The following ACER2 variants were observed in gnomAD, a reference collection of about 807,000 sequenced individuals.
ACER2 encodes the protein alkCDase 2.
In ACER2, 26 loss-of-function variants were observed where a neutral mutation model predicts 34.7. The ratio of observed to expected loss-of-function variants is 0.75; its 90% confidence interval spans 0.55 to 1.04. The LOEUF (loss-of-function observed/expected upper bound fraction) is 1.04, where lower values mean the gene tolerates loss of function less well. ACER2 is among the 50% of genes least tolerant of loss of function. The probability of loss-of-function intolerance (pLI) is 0.00; values close to 1 mark genes in which losing one functional copy is unlikely to be tolerated. For synonymous variants in ACER2, 138 were observed against 132.1 expected (o/e 1.04, Z -0.31); for missense variants, 352 against 340.8 (o/e 1.03, Z -0.26).
At chr9:19,441,222 C>A (rs556510432) in intron 4 of ACER2, among the ~76,000 whole-genome samples, 1 of 151,562 alleles carries the variant, frequency 6.6e-6, no homozygotes, top group Non-Finnish European at 1.5e-5. Flanking sequence ...GCTACTTTTT[C>A]GTATTTTTAG....
chr9:19,441,427 C>T (rs1159289552), intron 4 of ACER2, among the ~76,000 whole-genome samples: 1 of 152,218 alleles, frequency 6.6e-6, no homozygotes, highest in Non-Finnish European at 1.5e-5. Flanking sequence ...CAGCCTTCCC[C>T]TGTGAGCTGA....
At chr9:19,446,488 C>T in intron 5 of ACER2, 70 bp downstream of exon 5, 1 of 1,604,346 alleles carries the variant, frequency 6.2e-7, no homozygotes, top group Non-Finnish European at 8.5e-7. Context: ...CTCTGTTCAC[C>T]CTGCAAGTGG....
At chr9:19,424,141 T>C (rs1830492373) in intron 2 of ACER2, among the ~76,000 whole-genome samples, 165 bp downstream of exon 2, 1 of 152,228 alleles carries the variant, frequency 6.6e-6, no homozygotes, top group Non-Finnish European at 1.5e-5. Flanking sequence ...GCAGGCTTGA[T>C]AACAAAGTTG....
At chr9:19,414,886 C>T (rs1483742447) in intron 1 of ACER2, among the ~76,000 whole-genome samples, 2 of 149,820 alleles carry the variant, frequency 1.3e-5, no homozygotes, top group African/African-American at 4.9e-5. Context: ...GTGCACTATT[C>T]TACAATTTCA....
intron 4 of ACER2, among the ~76,000 whole-genome samples, chr9:19,435,877 G>A (rs1472696961): frequency 1.3e-5 from 2 of 151,148 alleles, no homozygotes; most frequent in Admixed American, 6.6e-5. Flanking sequence ...GTGAAACCCC[G>A]TCTCTACTAA....
At chr9:19,438,552 G>A (rs980472182) in intron 4 of ACER2, among the ~76,000 whole-genome samples, 3 of 152,106 alleles carry the variant, frequency 2.0e-5, no homozygotes, top group Non-Finnish European at 4.4e-5. Flanking sequence ...AAAGCTCTTT[G>A]GCAAACACAT....
intron 1 of ACER2, among the ~76,000 whole-genome samples, chr9:19,422,678 C>T (rs140315502): frequency 0.01 from 1,539 of 150,282 alleles, 28 homozygotes; most frequent in African/African-American, 0.035. Context: ...GTCTTTTTTA[C>T]GCCTTCATTA....
intron 4 of ACER2, among the ~76,000 whole-genome samples, chr9:19,436,057 G>A (rs10811183): frequency 0.22 from 33,555 of 149,512 alleles, 4,319 homozygotes; most frequent in African/African-American, 0.37. Flanking sequence ...TCAAAAAACA[G>A]AAAAAGAAGA....
intron 5 of ACER2, among the ~76,000 whole-genome samples, chr9:19,448,247 G>A (rs10121028): frequency 0.65 from 98,471 of 152,024 alleles, 32,933 homozygotes; most frequent in African/African-American, 0.75. Flanking sequence ...TCCTGGGCTC[G>A]AGCAGGTCCA....
rs531219311 is a variant in ACER2, at chr9:19,434,505, C to G, written c.366-442C>G. ...GCCATTGAGCACTGAGTGAACCAGA[C>G]TCCGTCTGCAATCCCGGCACCTCAG... is the stretch of plus-strand genomic sequence containing the variant. On this transcript the variant is annotated intron_variant, in intron 3 of 5. Transcript: ENST00000340967. Among the ~76,000 whole-genome samples the G allele has an allele frequency of 5.3e-5, 8 of 152,368 alleles. No homozygotes were observed. In the South Asian group the frequency reaches 1.7e-3, roughly 32 times the overall value.
rs544315260 is a variant in ACER2, at chr9:19,429,341, T to C, written c.365+4500T>C. On this transcript the variant is annotated intron_variant, in intron 3 of 5. Transcript: ENST00000340967. Reference sequence around the variant, plus strand: ...CTAATTGTATCTACTTTTTTTGTTTTGTTTTTTGGAGACAGGATCTCACTC... The same window carrying C: ...CTAATTGTATCTACTTTTTTTGTTTCGTTTTTTGGAGACAGGATCTCACTC... Among the ~76,000 whole-genome samples the C allele has an allele frequency of 9.8e-5, 15 of 152,290 alleles. No individual in the cohort carries two copies. The South Asian group carries it at 2.9e-3, about 29-fold the overall frequency.
At chr9:19,436,195 G>A (rs915841839) in intron 4 of ACER2, among the ~76,000 whole-genome samples, 1 of 152,000 alleles carries the variant, frequency 6.6e-6, no homozygotes, top group African/African-American at 2.4e-5. Flanking sequence ...GGGATTGCAG[G>A]TGTGAGCCAC....
intron 1 of ACER2, among the ~76,000 whole-genome samples, chr9:19,421,861 G>A (rs541474087): frequency 9.9e-5 from 15 of 152,118 alleles, no homozygotes; most frequent in Non-Finnish European, 1.8e-4. Flanking sequence ...TTAGGGATGA[G>A]TTTCCAATAT....
chr9:19,423,510 C>T (rs977120982), intron 1 of ACER2, among the ~76,000 whole-genome samples: 1 of 152,044 alleles, frequency 6.6e-6, no homozygotes, highest in Non-Finnish European at 1.5e-5. Flanking sequence ...GAGACCAGCC[C>T]GGCCAACATG....
chr9:19,448,855 T>C (rs368280333), intron 5 of ACER2, among the ~76,000 whole-genome samples: 1 of 152,336 alleles, frequency 6.6e-6, no homozygotes, highest in East Asian at 1.9e-4. Flanking sequence ...TAAAAGTTCA[T>C]ATCAGCCGGG....
At chr9:19,413,300 A>C (rs1172734160) in intron 1 of ACER2, among the ~76,000 whole-genome samples, 5 of 152,120 alleles carry the variant, frequency 3.3e-5, no homozygotes, top group African/African-American at 1.2e-4. Context: ...TTTATGTTTT[A>C]AGATTTAAGA....
rs546842491 is a variant in ACER2, at chr9:19,443,679, A to G, written c.504-2602A>G. The stretch of plus-strand genomic sequence containing the variant: ...TTTGTTTGTTTGTTTGTTTATTGAG[A>G]TGGAGTCTTGCTCTTGAAGCTCAGG... On this transcript the variant is annotated intron_variant, in intron 4 of 5. Transcript: ENST00000340967. Among the ~76,000 whole-genome samples the G allele has an allele frequency of 5.3e-5, 8 of 152,034 alleles. No individual in the cohort carries two copies. In the South Asian group the frequency reaches 1.7e-3, roughly 32 times the overall value.
intron 3 of ACER2, among the ~76,000 whole-genome samples, chr9:19,425,347 A>G (rs1830530763): frequency 1.3e-5 from 2 of 152,234 alleles, no homozygotes; most frequent in South Asian, 4.1e-4. Context: ...ACACACACAC[A>G]TACACACTCA....
chr9:19,412,661 A>G (rs1254875880), intron 1 of ACER2, among the ~76,000 whole-genome samples: 1 of 151,764 alleles, frequency 6.6e-6, no homozygotes, highest in East Asian at 1.9e-4. Context: ...TGTCTCAAAA[A>G]AAAAAAAAAA....
Sources: gnomAD v4.1 joint callset for allele counts (sites outside exome capture counted in the v4.1 genomes callset) on GRCh38, gnomAD v4.1.1 for gene constraint, MANE v1.5 for transcripts, NCBI Gene and HGNC (gene_info 2026-07-23, HGNC 2026-07-21) for gene names.